Variants in FOXRED2 observed in about 807,000 individuals in gnomAD.
FOXRED2 encodes the protein FAD-dependent oxidoreductase domain-containing protein 2.
FOXRED2 carries 32 observed loss-of-function variants against 52.5 expected under a neutral mutation model. That is an observed-to-expected ratio of 0.61 (90% confidence interval 0.46 to 0.82). The LOEUF is 0.82. FOXRED2 is among the 40% of genes least tolerant of loss of function. The pLI, the probability that FOXRED2 is intolerant of heterozygous loss-of-function variation, is 0.00. For synonymous variants in FOXRED2, 405 were observed against 398.1 expected (o/e 1.02, Z -0.21); for missense variants, 848 against 937.5 (o/e 0.90, Z 1.25).
rs1258172304 is a variant in FOXRED2, at chr22:36,504,384, T to A, written c.780-17A>T. Reference sequence around the variant, plus strand: ...TTGATGGCTCTGAGCCCACAGAGAATGCAGGGGAGAGAGACTCAGAGGAAA... The same window carrying A: ...TTGATGGCTCTGAGCCCACAGAGAAAGCAGGGGAGAGAGACTCAGAGGAAA... On this transcript the variant is annotated splice_polypyrimidine_tract_variant and intron_variant, in intron 3 of 8. Coordinates refer to ENST00000397224, the MANE Select transcript of FOXRED2 (RefSeq NM_001102371.2). 6.2e-7 allele frequency: 1 copy of A among 1,612,268 alleles called. No individual in the cohort carries two copies. Among genetic ancestry groups the A allele is most frequent in the Non-Finnish European group, 8.5e-7 (1 of 1,179,032 alleles).
At position 36,499,300 on chromosome 22, in the gene FOXRED2, G is replaced by A. The variant is rs367981707; in HGVS notation, c.1217-1144C>T. Among the ~76,000 whole-genome samples, 6 of 152,110 alleles carry A rather than the reference G, an allele frequency of 3.9e-5. No individual in the cohort carries two copies. In the South Asian group the frequency reaches 8.3e-4, roughly 21 times the overall value. On this transcript the variant is annotated intron_variant, in intron 5 of 8. Transcript: ENST00000397224. ...TGGCAGAATATAAAGATTACTCCCC[G>A]TAATTCCCTACATTTTCACATTTTT... is the stretch of plus-strand genomic sequence containing the variant.
At chr22:36,496,415 T>C (rs1434408204) in intron 6 of FOXRED2, among the ~76,000 whole-genome samples, 1 of 152,148 alleles carries the variant, frequency 6.6e-6, no homozygotes. Flanking sequence ...GTAACCTGAA[T>C]GGGATATCTG....
rs747075494 is a variant in FOXRED2, at chr22:36,505,907, C to A, written c.516G>T (p.Val172=). ...YFILTDQKGQ[V]HQCSVLFVAT... ...GGCACCGGCCTTACCTGCACTGATG[C>A]ACCTGGCCCTTCTGGTCAGTTAGGA... Residue 172 remains valine, a synonymous_variant, in exon 2 of 9, where the codon GTG becomes GTT. Transcript: ENST00000397224. 1 of 1,612,652 alleles carries A rather than the reference C, an allele frequency of 6.2e-7. No homozygotes were observed. Among genetic ancestry groups the A allele is most frequent in the Non-Finnish European group, 8.5e-7 (1 of 1,178,708 alleles).
At chr22:36,503,787 C>T (rs1009366513) in intron 4 of FOXRED2, among the ~76,000 whole-genome samples, 9 of 152,224 alleles carry the variant, frequency 5.9e-5, no homozygotes, top group Admixed American at 1.3e-4. Context: ...TCAGCCACTA[C>T]GCTATATTGC....
Position 36,506,247 on chromosome 22 carries a change from AACACT to A in FOXRED2, c.171_175del (p.Val58ArgfsTer31). The A allele has an allele frequency of 6.2e-7, 1 of 1,613,216 alleles. No homozygotes were observed. The highest frequency in any genetic ancestry group is 1.1e-5 in the South Asian group (1 of 91,032). ...GCTGCCGGGCCGCGGGGCCCGCTCG[AACACT>A]GCGTAGTCGCGTCCAGCGCGCTGCA... On this transcript the variant is annotated frameshift_variant, in exon 2 of 9. Transcript: ENST00000397224. LOFTEE classifies it high-confidence loss of function.
At chr22:36,505,627 C>T (rs781041026) in intron 2 of FOXRED2, among the ~76,000 whole-genome samples, 4 of 152,062 alleles carry the variant, frequency 2.6e-5, no homozygotes, top group Admixed American at 1.3e-4. Flanking sequence ...AAAAATTAGC[C>T]GGGTGTGGTG....
At chr22:36,495,913 A>G in intron 7 of FOXRED2, 54 bp downstream of exon 7, 7 of 1,593,846 alleles carry the variant, frequency 4.4e-6, no homozygotes, top group Non-Finnish European at 6.0e-6. Context: ...ACAACCTTGC[A>G]GACGGTGAGG....
chr22:36,506,760 C>T, intron 1 of FOXRED2: 2 of 255,244 alleles, frequency 7.8e-6, no homozygotes, highest in Non-Finnish European at 7.5e-6. Context: ...CCCCTTTGAA[C>T]CACCCTCCAG....
At chr22:36,503,638 G>A (rs145691066) in intron 4 of FOXRED2, among the ~76,000 whole-genome samples, 2 of 152,098 alleles carry the variant, frequency 1.3e-5, no homozygotes, top group East Asian at 1.9e-4. Context: ...GTTAATCCTC[G>A]CAATAACCAT....
At chr22:36,502,477 CTTTAT>C (rs1212542438) in intron 4 of FOXRED2, among the ~76,000 whole-genome samples, 10 of 152,098 alleles carry the variant, frequency 6.6e-5, no homozygotes, top group African/African-American at 1.7e-4. Context: ...CAAGTACTTT[CTTTAT>C]TTTAAGAGAT....
Position 36,503,637 on chromosome 22 carries a change from C to T in FOXRED2, c.1049+461G>A, listed in dbSNP as rs190846614. 1.8e-4 allele frequency among the ~76,000 whole-genome samples: 27 copies of T among 152,170 alleles called. No homozygotes were observed. In the East Asian group the frequency reaches 4.6e-3, roughly 26 times the overall value. On this transcript the variant is annotated intron_variant, in intron 4 of 8. Transcript: ENST00000397224. ...CCAAGCATATTCTTATGTTAATCCTCGCAATAACCATATGAGAAACAAACT... is the reference window on the plus strand; with the variant it reads ...CCAAGCATATTCTTATGTTAATCCTTGCAATAACCATATGAGAAACAAACT...
chr22:36,491,059 G>A (rs1933743502), intron 8 of FOXRED2, among the ~76,000 whole-genome samples: 1 of 152,182 alleles, frequency 6.6e-6, no homozygotes, highest in South Asian at 2.1e-4. Flanking sequence ...CTACTCGGGA[G>A]GCTGAGGCAG....
chr22:36,501,344 G>C lies in FOXRED2; in HGVS notation c.1113C>G (p.Tyr371Ter). The C allele has an allele frequency of 6.2e-7, 1 of 1,614,130 alleles. No individual in the cohort carries two copies. Among genetic ancestry groups the C allele is most frequent in the Non-Finnish European group, 8.5e-7 (1 of 1,180,012 alleles). Residue 371 changes from tyrosine to a stop codon, truncating the protein, a stop_gained, in exon 5 of 9, where the codon TAC (tyrosine) becomes TAG (stop). Transcript: ENST00000397224. LOFTEE classifies it high-confidence loss of function. ...GKKYPLIRASYESKGSRGLFI... is the reference protein window; with the variant it reads ...GKKYPLIRAS ...ACAGACCCCGGCTTCCTTTGGATTC[G>C]TAGCTAGCTCGAATCAGCGGGTACT...
chr22:36,506,471 G>C (rs1568994600), intron 1 of FOXRED2, 48 bp from the exon 2 acceptor site: 1 of 1,409,822 alleles, frequency 7.1e-7, no homozygotes, highest in Non-Finnish European at 9.2e-7. Context: ...CCGGCGGCTG[G>C]GAGACACGAG....
rs1253097467 is a variant in FOXRED2, at chr22:36,504,537, T to A, written c.757A>T (p.Thr253Ser). 2 of 1,613,966 alleles carry A rather than the reference T, an allele frequency of 1.2e-6. No individual in the cohort carries two copies. The highest frequency in any genetic ancestry group is 2.7e-5 in the African/African-American group (2 of 74,866). ...SRSRVRLSWA[T>S]HYVGDLRAIN... Reference sequence around the variant, plus strand: ...TACCTGAGGTCTCCAACGTAGTGGGTGGCCCAGGACAGACGGACCCGGGAG... The same window carrying A: ...TACCTGAGGTCTCCAACGTAGTGGGAGGCCCAGGACAGACGGACCCGGGAG... The change falls in exon 3 of 9, where the codon ACC (threonine) becomes TCC (serine). Residue 253 changes from threonine (T) to serine (S), a missense_variant. By Grantham distance (58) the Thr-to-Ser change is moderately conservative. Transcript: ENST00000397224.
intron 4 of FOXRED2, 150 bp downstream of exon 4, chr22:36,503,948 C>CT: frequency 1.1e-6 from 1 of 912,226 alleles, no homozygotes; most frequent in Non-Finnish European, 1.7e-6. Flanking sequence ...AGCTCATGTC[C>CT]TGGAGGGAAA....
intron 7 of FOXRED2, among the ~76,000 whole-genome samples, chr22:36,494,962 T>G (rs1389774518): frequency 1.3e-5 from 2 of 151,898 alleles, no homozygotes; most frequent in African/African-American, 4.8e-5. Flanking sequence ...TTGTTTTTTT[T>G]GAGACAGAGT....
intron 4 of FOXRED2, 34 bp downstream of exon 4, chr22:36,504,064 T>G: frequency 6.2e-7 from 1 of 1,600,254 alleles, no homozygotes; most frequent in African/African-American, 1.3e-5. Flanking sequence ...GAGGGTTTGC[T>G]AGGAGAGCCC....
At chr22:36,491,080 C>G (rs1048145652) in intron 8 of FOXRED2, among the ~76,000 whole-genome samples, 1 of 151,812 alleles carries the variant, frequency 6.6e-6, no homozygotes, top group Middle Eastern at 3.4e-3. Flanking sequence ...GAGAATCACT[C>G]GAATCCAGGA....
Sources: gnomAD v4.1 joint callset for allele counts (sites outside exome capture counted in the v4.1 genomes callset) on GRCh38, gnomAD v4.1.1 for gene constraint, MANE v1.5 for transcripts, NCBI Gene and HGNC (gene_info 2026-07-23, HGNC 2026-07-21) for gene names.